The following NEGR1 variants were observed in gnomAD, a reference collection of about 807,000 sequenced individuals.
NEGR1 encodes neuronal growth regulator 1.
NEGR1 carries 10 observed loss-of-function variants against 40.9 expected under a neutral mutation model. That is an observed-to-expected ratio of 0.24 (90% CI 0.15 to 0.42). The LOEUF is 0.42. NEGR1 is among the 10% of genes least tolerant of loss of function. The pLI is 1.00. For synonymous variants in NEGR1, 185 were observed against 166.8 expected (o/e 1.11, Z -0.84); for missense variants, 352 against 438.9 (o/e 0.80, Z 1.77).
chr1:71,654,832 G>C (rs374006081), intron 4 of NEGR1, among the ~76,000 whole-genome samples: 1 of 152,044 alleles, frequency 6.6e-6, no homozygotes, highest in East Asian at 1.9e-4. Context: ...AAATTTGGGA[G>C]GTCTGTCTAA....
chr1:71,733,385 G>A (rs1654949066), intron 3 of NEGR1, among the ~76,000 whole-genome samples: 1 of 152,144 alleles, frequency 6.6e-6, no homozygotes, highest in Non-Finnish European at 1.5e-5. Context: ...CAGTAAACTT[G>A]AATTACATAT....
intron 1 of NEGR1, among the ~76,000 whole-genome samples, chr1:72,188,224 G>T (rs1174154330): frequency 2.6e-5 from 4 of 151,370 alleles, no homozygotes; most frequent in Non-Finnish European, 5.9e-5. Context: ...TTTGAAAGAT[G>T]AACCTTTCAA....
At chr1:71,436,229 C>CAAA (rs376091954) in intron 6 of NEGR1, among the ~76,000 whole-genome samples, 150 of 122,964 alleles carry the variant, frequency 1.2e-3, no homozygotes, top group African/African-American at 4.3e-3. Context: ...GTGAATATGG[C>CAAA]AAAAAAAAAA....
chr1:71,474,354 G>A (rs181285693), intron 6 of NEGR1, among the ~76,000 whole-genome samples: 46 of 150,940 alleles, frequency 3.0e-4, no homozygotes, highest in African/African-American at 1.1e-3. Context: ...GAGGAAGACT[G>A]TGTCTATGTG....
At chr1:71,661,525 A>T (rs1292323441) in intron 4 of NEGR1, among the ~76,000 whole-genome samples, 2 of 152,174 alleles carry the variant, frequency 1.3e-5, no homozygotes, top group Admixed American at 1.3e-4. Flanking sequence ...TGTAATAGAA[A>T]TTTTTACAAT....
chr1:72,133,487 T>C (rs2821235), intron 1 of NEGR1, among the ~76,000 whole-genome samples: 24,746 of 151,958 alleles, frequency 0.16, 2,276 homozygotes, highest in African/African-American at 0.21. Context: ...TATTAAGCAA[T>C]GGAAACACTT....
At chr1:71,479,916 T>C (rs1646843863) in intron 6 of NEGR1, among the ~76,000 whole-genome samples, 1 of 151,970 alleles carries the variant, frequency 6.6e-6, no homozygotes, top group Non-Finnish European at 1.5e-5. Flanking sequence ...ACTACACAAT[T>C]GTTTAGCATG....
intron 6 of NEGR1, among the ~76,000 whole-genome samples, chr1:71,512,043 C>T (rs906725529): frequency 4.3e-4 from 66 of 152,184 alleles, no homozygotes; most frequent in Non-Finnish European, 7.1e-4. Context: ...GTAAATGATA[C>T]GATGCATGAG....
At chr1:71,828,206 T>A (rs1004224337) in intron 2 of NEGR1, among the ~76,000 whole-genome samples, 3 of 151,978 alleles carry the variant, frequency 2.0e-5, no homozygotes, top group African/African-American at 2.4e-5. Flanking sequence ...TATTCTGCAA[T>A]GAAGCTGTGG....
At chr1:72,184,380 C>T (rs2100418357) in intron 1 of NEGR1, among the ~76,000 whole-genome samples, 1 of 151,964 alleles carries the variant, frequency 6.6e-6, no homozygotes, top group Non-Finnish European at 1.5e-5. Flanking sequence ...AATAAGGTAG[C>T]TAGAGAGAAA....
intron 1 of NEGR1, among the ~76,000 whole-genome samples, chr1:72,199,384 T>C (rs140281047): frequency 3.3e-5 from 5 of 152,152 alleles, no homozygotes; most frequent in Non-Finnish European, 7.4e-5. Flanking sequence ...TTTAAAAATA[T>C]GGGCATTGAG....
intron 6 of NEGR1, among the ~76,000 whole-genome samples, chr1:71,410,715 T>C (rs759061667): frequency 6.6e-6 from 1 of 152,116 alleles, no homozygotes; most frequent in Non-Finnish European, 1.5e-5. Flanking sequence ...CTGACTGGCA[T>C]TTATTATGTG....
intron 1 of NEGR1, among the ~76,000 whole-genome samples, chr1:71,976,550 C>G (rs1175673951): frequency 6.6e-6 from 1 of 152,098 alleles, no homozygotes; most frequent in Non-Finnish European, 1.5e-5. Flanking sequence ...GCTATAGGAG[C>G]TGGCAGAATT....
intron 2 of NEGR1, among the ~76,000 whole-genome samples, chr1:71,822,228 G>C (rs1658456492): frequency 6.6e-6 from 1 of 151,878 alleles, no homozygotes; most frequent in African/African-American, 2.4e-5. Context: ...GGAAGCAAAA[G>C]GCTAGACTGT....
intron 2 of NEGR1, among the ~76,000 whole-genome samples, chr1:71,895,958 T>G (rs1368966496): frequency 6.6e-5 from 10 of 152,140 alleles, no homozygotes; most frequent in Non-Finnish European, 7.4e-5. Flanking sequence ...CAACACTTAT[T>G]ATTATAGCTA....
intron 1 of NEGR1, among the ~76,000 whole-genome samples, chr1:71,964,835 AT>A (rs1646197441): frequency 6.8e-6 from 1 of 146,272 alleles, no homozygotes; most frequent in Non-Finnish European, 1.5e-5. Flanking sequence ...AAAAAAAAAA[AT>A]CACTCCCTAA....
intron 1 of NEGR1, among the ~76,000 whole-genome samples, chr1:71,949,909 C>T (rs986171403): frequency 5.3e-5 from 8 of 151,936 alleles, no homozygotes; most frequent in African/African-American, 1.5e-4. Flanking sequence ...CATATAGTTT[C>T]GTTTTCTTTC....
At chr1:72,221,674 GACTAAAATCCTCAAAAAA>G (rs1654015283) in intron 1 of NEGR1, among the ~76,000 whole-genome samples, 1 of 152,008 alleles carries the variant, frequency 6.6e-6, no homozygotes, top group Non-Finnish European at 1.5e-5. Context: ...AACATTAGTT[GACTAAAATCCTCAAAAAA>G]TCCTGAAGTC....
chr1:71,721,004 T>G (rs1476154364), intron 3 of NEGR1, among the ~76,000 whole-genome samples: 1 of 152,234 alleles, frequency 6.6e-6, no homozygotes, highest in South Asian at 2.1e-4. Flanking sequence ...GCAAGTCAGG[T>G]TAGAGAAAAG....
Sources: allele counts gnomAD v4.1 joint callset (sites outside exome capture counted in the v4.1 genomes callset), GRCh38; gene constraint gnomAD v4.1.1; transcripts MANE v1.5; gene names NCBI Gene and HGNC (gene_info 2026-07-23, HGNC 2026-07-21).